The following SH3PXD2A variants were observed in gnomAD, a reference collection of about 807,000 sequenced individuals.
SH3PXD2A encodes the protein SH3 and PX domains 2A.
A neutral mutation model predicts 115.2 loss-of-function variants in SH3PXD2A; 32 were observed. That is an observed-to-expected ratio of 0.28 (90% CI 0.21 to 0.37). SH3PXD2A has a LOEUF of 0.37. Ranked by LOEUF, SH3PXD2A falls within the 10% of genes least tolerant of loss-of-function variation. The pLI, the probability that SH3PXD2A is intolerant of heterozygous loss-of-function variation, is 1.00. For missense variants in SH3PXD2A, 1,328 were observed against 1,498.7 expected (o/e 0.89, Z 1.88); for synonymous variants, 610 against 629.1 (o/e 0.97, Z 0.45).
chr10:103,736,803 T>C (rs1352095145), intron 3 of SH3PXD2A: 1 of 1,288,848 alleles, frequency 7.8e-7, no homozygotes, highest in Non-Finnish European at 1.0e-6. Flanking sequence ...CGGGCATCTG[T>C]TGCCTCAGTC....
chr10:103,774,238 C>G (rs1251115848), intron 2 of SH3PXD2A, among the ~76,000 whole-genome samples: 1 of 152,140 alleles, frequency 6.6e-6, no homozygotes, highest in South Asian at 2.1e-4. Flanking sequence ...TGGGACTGTG[C>G]GTGTGTTTCT....
intron 2 of SH3PXD2A, among the ~76,000 whole-genome samples, chr10:103,800,721 T>C (rs958567604): frequency 6.6e-6 from 1 of 152,188 alleles, no homozygotes; most frequent in African/African-American, 2.4e-5. Flanking sequence ...GTGGGACCCA[T>C]ACTACCATTC....
chr10:103,848,462 C>T (rs1372437432), intron 1 of SH3PXD2A, among the ~76,000 whole-genome samples: 1 of 152,180 alleles, frequency 6.6e-6, no homozygotes, highest in African/African-American at 2.4e-5. Flanking sequence ...GCTCCCTCTC[C>T]CTGCCAAGCC....
In SH3PXD2A at chr10:103,782,147, G is replaced by A. The variant is rs186106762; in HGVS notation, c.154-14978C>T. Among the ~76,000 whole-genome samples the A allele has an allele frequency of 2.0e-4, 30 of 152,276 alleles. No homozygotes were observed. In the East Asian group the frequency reaches 5.0e-3, roughly 25 times the overall value. ...CTGGGACCGAAAGAAGAATAAGAGA[G>A]GAATGGAGAAGAGGGACTTCAAACA... On this transcript the variant is annotated intron_variant, in intron 2 of 14. Coordinates refer to ENST00000369774, the MANE Select transcript of SH3PXD2A (RefSeq NM_001394015.1).
chr10:103,850,148 T>C (rs187576527), intron 1 of SH3PXD2A, among the ~76,000 whole-genome samples: 8 of 152,340 alleles, frequency 5.3e-5, no homozygotes, highest in Admixed American at 4.6e-4. Flanking sequence ...AATATCTCTT[T>C]GGAAAATGCA....
intron 3 of SH3PXD2A, chr10:103,745,906 C>T (rs2038497261): frequency 6.6e-6 from 1 of 152,284 alleles, no homozygotes; most frequent in African/African-American, 2.4e-5. Context: ...TAGGGTGACT[C>T]ACACAGGTGT....
At chr10:103,708,334 T>C (rs1453721851) in intron 5 of SH3PXD2A, among the ~76,000 whole-genome samples, 1 of 152,194 alleles carries the variant, frequency 6.6e-6, no homozygotes, top group Non-Finnish European at 1.5e-5. Flanking sequence ...TCCCTGCGGC[T>C]GCCAGGCTCT....
rs769370508 is a variant in SH3PXD2A, at chr10:103,688,453, C to T, written c.427+4575G>A. 2.6e-5 allele frequency among the ~76,000 whole-genome samples: 4 copies of T among 152,054 alleles called. No homozygotes were observed. In the South Asian group the frequency reaches 8.3e-4, roughly 32 times the overall value. On this transcript the variant is annotated intron_variant, in intron 6 of 14. Transcript: ENST00000369774. ...CACAGGATCACTAGAGTGTGGGAAG[C>T]GATGAGGAGGGAAGAAGAGGAGTAA...
intron 13 of SH3PXD2A, among the ~76,000 whole-genome samples, chr10:103,606,177 TATCATCATCATCATCATCATC>T (rs56654395): frequency 6.4e-4 from 92 of 142,824 alleles, no homozygotes; most frequent in Non-Finnish European, 1.1e-3. Flanking sequence ...TTACTATTAC[TATCATCATCATCATCATCATC>T]ATCATCATCA....
intron 8 of SH3PXD2A, among the ~76,000 whole-genome samples, chr10:103,640,647 A>C (rs1362997270): frequency 6.6e-6 from 1 of 152,234 alleles, no homozygotes; most frequent in African/African-American, 2.4e-5. Context: ...CAACGGTCCC[A>C]GCTTTTAGAG....
chr10:103,802,002 C>A (rs540160010), intron 1 of SH3PXD2A, among the ~76,000 whole-genome samples: 1 of 152,212 alleles, frequency 6.6e-6, no homozygotes, highest in Non-Finnish European at 1.5e-5. Flanking sequence ...CCACGCCTGG[C>A]CTTTTTAGAT....
Position 103,790,443 on chromosome 10 carries a change from C to T in SH3PXD2A, c.153+10839G>A, listed in dbSNP as rs934187347. On this transcript the variant is annotated intron_variant, in intron 2 of 14. Transcript: ENST00000369774. ...TGCTGGGATTACAGGTGTGAGCCAC[C>T]GCGCCCGGCCCAGAAAGAGGACTTC... Among the ~76,000 whole-genome samples, 5 of 152,230 alleles carry T rather than the reference C, an allele frequency of 3.3e-5. 1 individual carries two copies. The highest frequency in any genetic ancestry group is 1.9e-4 in the East Asian group (1 of 5,174).
chr10:103,773,419 G>A (rs1409400982), intron 2 of SH3PXD2A, among the ~76,000 whole-genome samples: 1 of 150,626 alleles, frequency 6.6e-6, no homozygotes, highest in Admixed American at 6.6e-5. Context: ...GATAAGTGTG[G>A]TTTTTCTTCT....
chr10:103,847,439 G>A (rs1018757445), intron 1 of SH3PXD2A, among the ~76,000 whole-genome samples: 1 of 152,040 alleles, frequency 6.6e-6, no homozygotes, highest in Non-Finnish European at 1.5e-5. Context: ...TCAGCCGACT[G>A]AGTAACTGGA....
chr10:103,622,031 G>C (rs911439023), intron 10 of SH3PXD2A, among the ~76,000 whole-genome samples: 1 of 152,202 alleles, frequency 6.6e-6, no homozygotes, highest in East Asian at 1.9e-4. Context: ...GAAACTGATA[G>C]AACAACTTTG....
intron 6 of SH3PXD2A, among the ~76,000 whole-genome samples, chr10:103,671,439 G>A (rs765672410): frequency 2.6e-4 from 40 of 152,156 alleles, no homozygotes; most frequent in Non-Finnish European, 4.3e-4. Flanking sequence ...GTATCTCTCC[G>A]TAAAGGAAAA....
chr10:103,736,765 A>G, intron 3 of SH3PXD2A: 1 of 1,289,274 alleles, frequency 7.8e-7, no homozygotes, highest in Non-Finnish European at 1.0e-6. Flanking sequence ...AGCTTGGCAC[A>G]TGATGAAGTG....
At chr10:103,715,752 G>T (rs1158370912) in intron 5 of SH3PXD2A, among the ~76,000 whole-genome samples, 1 of 152,244 alleles carries the variant, frequency 6.6e-6, no homozygotes, top group African/African-American at 2.4e-5. Flanking sequence ...TTCCCGAACA[G>T]GCCAGACCTG....
intron 3 of SH3PXD2A, among the ~76,000 whole-genome samples, chr10:103,765,277 G>A (rs1012569269): frequency 7.2e-5 from 11 of 152,158 alleles, no homozygotes; most frequent in African/African-American, 2.4e-4. Flanking sequence ...CCCATCCTGT[G>A]GGGGCCAGCT....
Sources: allele counts gnomAD v4.1 joint callset (sites outside exome capture counted in the v4.1 genomes callset), GRCh38; gene constraint gnomAD v4.1.1; transcripts MANE v1.5; gene names NCBI Gene and HGNC (gene_info 2026-07-23, HGNC 2026-07-21).